CD99L2: variants seen among roughly 807,000 people sequenced by gnomAD.
CD99L2 encodes CD99 antigen-like protein 2.
CD99L2 carries 24 observed loss-of-function variants against 27.3 expected under a neutral mutation model. That is an observed-to-expected ratio of 0.88 (90% confidence interval 0.64 to 1.24). CD99L2 has a LOEUF of 1.24. Ranked by LOEUF, CD99L2 falls within the 50% of genes most tolerant of loss-of-function variation. The pLI, the probability that CD99L2 is intolerant of heterozygous loss-of-function variation, is 0.00. For synonymous variants in CD99L2, 97 were observed against 87.9 expected (o/e 1.10, Z -0.58); for missense variants, 255 against 221.6 (o/e 1.15, Z -0.96).
intron 4 of CD99L2, among the ~76,000 whole-genome samples, chrX:150,797,443 C>T: frequency 1.8e-5 from 2 of 111,971 alleles, no homozygotes; most frequent in Non-Finnish European, 3.8e-5. Flanking sequence ...AAAATACAAC[C>T]TAATCCTGTG....
intron 9 of CD99L2, among the ~76,000 whole-genome samples, chrX:150,771,363 G>A (rs2043451405): frequency 8.9e-6 from 1 of 112,690 alleles, no homozygotes; most frequent in East Asian, 2.8e-4. Context: ...CCGGCCCCAC[G>A]CAGAGCGGGG....
At position 150,768,995 on chromosome X, in the gene CD99L2, G is replaced by A. The variant is rs1470875283; in HGVS notation, c.*39C>T. The A allele has an allele frequency of 3.6e-6, 4 of 1,124,501 alleles. No individual in the cohort carries two copies. Among genetic ancestry groups the A allele is most frequent in the East Asian group, 3.5e-5 (1 of 28,591 alleles). The allele number at this position is 1,124,501 out of a possible 1,213,427, so 92.7% of individuals were successfully genotyped here. A position where few individuals can be genotyped will look rare whatever the true frequency, so the allele number is the denominator to read the frequency against. On this transcript the variant is annotated 3_prime_UTR_variant, in exon 11 of 11. Transcript: ENST00000370377. ...GGGTGGGGGGAGCCGGGTGACAAGC[G>A]GTGGCACCATTGTGCATGCCTGCAG...
At chrX:150,896,674 T>C (rs2047616185) in intron 1 of CD99L2, among the ~76,000 whole-genome samples, 1 of 112,564 alleles carries the variant, frequency 8.9e-6, no homozygotes, top group African/African-American at 3.2e-5. Context: ...TTTGTGATTG[T>C]CAGGCATCAT....
intron 1 of CD99L2, among the ~76,000 whole-genome samples, chrX:150,863,989 C>T (rs2047020195): frequency 1.8e-5 from 2 of 112,121 alleles, no homozygotes; most frequent in Non-Finnish European, 3.8e-5. Context: ...CCTCCCAACA[C>T]CTTGATCTCA....
chrX:150,783,307 C>A (rs1266651928), intron 7 of CD99L2, among the ~76,000 whole-genome samples: 29 of 111,058 alleles, frequency 2.6e-4, no homozygotes, highest in African/African-American at 7.2e-4. Flanking sequence ...ATATCTCTCT[C>A]TCTATATATA....
chrX:150,812,392 C>G (rs1452405029), intron 4 of CD99L2, among the ~76,000 whole-genome samples: 1 of 111,568 alleles, frequency 9.0e-6, no homozygotes, highest in African/African-American at 3.3e-5. Context: ...GAAAATGGAC[C>G]AAAAACATGA....
intron 2 of CD99L2, among the ~76,000 whole-genome samples, chrX:150,824,253 G>A (rs2086774169): frequency 1.4e-5 from 1 of 71,481 alleles, no homozygotes; most frequent in African/African-American, 5.7e-5. Context: ...AGGAGGAGGA[G>A]GAGGAAGAAG....
chrX:150,885,382 A>C (rs73611448), intron 1 of CD99L2, among the ~76,000 whole-genome samples: 22,550 of 111,237 alleles, frequency 0.2, 1,764 homozygotes, highest in African/African-American at 0.29. Flanking sequence ...AACAACAAAA[A>C]AACAACAACA....
rs782775432 is a variant in CD99L2 at position 150,769,680 on chromosome X, CG to C, written c.722-580del. On this transcript the variant is annotated intron_variant, in intron 10 of 10. Transcript: ENST00000370377. ...TGAGCTGTCCTAGTCTCCCTGCCTG[CG>C]CCACCAGGCCTCGGCTGCTCCCCGA... Among the ~76,000 whole-genome samples, 3 of 86,591 alleles carry C rather than the reference CG, an allele frequency of 3.5e-5. No individual in the cohort carries two copies. The South Asian group carries it at 1.2e-3, about 35-fold the overall frequency. 75.2% of individuals were successfully genotyped at this position (86,591 alleles called of 115,157 possible). A position where few individuals can be genotyped will look rare whatever the true frequency, so the allele number is the denominator to read the frequency against.
intron 1 of CD99L2, among the ~76,000 whole-genome samples, chrX:150,891,290 T>C (rs1353109456): frequency 3.6e-5 from 4 of 112,274 alleles, no homozygotes; most frequent in African/African-American, 1.3e-4. Flanking sequence ...CAGGTCTCAT[T>C]GGGCTAAACT....
chrX:150,840,544 G>A (rs1367833720), intron 1 of CD99L2, among the ~76,000 whole-genome samples: 4 of 111,315 alleles, frequency 3.6e-5, no homozygotes, highest in East Asian at 2.8e-4. Flanking sequence ...CAAGTAGCTA[G>A]GAACACAGGC....
chrX:150,771,354 C>T (rs1557419058), intron 9 of CD99L2, among the ~76,000 whole-genome samples: 2 of 112,727 alleles, frequency 1.8e-5, no homozygotes, highest in Admixed American at 1.9e-4. Context: ...CAGGTGTGGC[C>T]GGCCCCACGC....
intron 1 of CD99L2, among the ~76,000 whole-genome samples, chrX:150,889,190 C>A (rs1172626688): frequency 2.7e-5 from 3 of 112,694 alleles, no homozygotes; most frequent in African/African-American, 6.4e-5. Flanking sequence ...CTCTGTTTCA[C>A]CCACAGTGCC....
chrX:150,798,552 C>G (rs1198840488), intron 4 of CD99L2, among the ~76,000 whole-genome samples: 1 of 110,754 alleles, frequency 9.0e-6, no homozygotes, highest in Non-Finnish European at 1.9e-5. Flanking sequence ...ATAGAAGATT[C>G]TTAGACATGG....
chrX:150,778,674 A>G (rs797024999), intron 7 of CD99L2, among the ~76,000 whole-genome samples: 1 of 40,675 alleles, frequency 2.5e-5, no homozygotes, highest in Non-Finnish European at 4.6e-5. Context: ...AAAGTATAAT[A>G]AAAAAAAAAA....
chrX:150,835,621 T>C (rs1359022122), intron 1 of CD99L2, among the ~76,000 whole-genome samples: 1 of 112,018 alleles, frequency 8.9e-6, no homozygotes, highest in African/African-American at 3.2e-5. Context: ...CATGGCCCTT[T>C]AGACAGTGTC....
chrX:150,768,895 A>T lies in CD99L2; in HGVS notation c.*139T>A, dbSNP rs960986550. On this transcript the variant is annotated 3_prime_UTR_variant, in exon 11 of 11. Transcript: ENST00000370377. ...AGAAACCAAACTCACAAACACCCAG[A>T]GCTCATCCGGGAAACTCAGACCAAC... 1 of 1,055,974 alleles carries T rather than the reference A, an allele frequency of 9.5e-7. No individual in the cohort carries two copies. Among genetic ancestry groups the T allele is most frequent in the African/African-American group, 2.0e-5 (1 of 50,529 alleles). The allele number at this position is 1,055,974 out of a possible 1,213,427, so 87.0% of individuals were successfully genotyped here.
At chrX:150,835,831 C>T (rs1378997467) in intron 1 of CD99L2, among the ~76,000 whole-genome samples, 1 of 111,623 alleles carries the variant, frequency 9.0e-6, no homozygotes, top group African/African-American at 3.3e-5. Flanking sequence ...TCACAGAAAA[C>T]CTTCTCCATA....
At chrX:150,884,089 G>A (rs974228526) in intron 1 of CD99L2, among the ~76,000 whole-genome samples, 1 of 111,763 alleles carries the variant, frequency 8.9e-6, no homozygotes, top group Non-Finnish European at 1.9e-5. Context: ...CATAACTCAG[G>A]AAATTCACTT....
Sources: gnomAD v4.1 joint callset for allele counts (sites outside exome capture counted in the v4.1 genomes callset) on GRCh38, gnomAD v4.1.1 for gene constraint, MANE v1.5 for transcripts, NCBI Gene and HGNC (gene_info 2026-07-23, HGNC 2026-07-21) for gene names.